The following KCNJ6 variants were observed in gnomAD, a reference collection of about 807,000 sequenced individuals.
KCNJ6 encodes the protein G protein-activated inward rectifier potassium channel 2.
Under a neutral mutation model 34.2 loss-of-function variants are expected in KCNJ6, and 9 were observed. That is an observed-to-expected ratio of 0.26 (90% CI 0.16 to 0.46). The LOEUF (loss-of-function observed/expected upper bound fraction) is 0.46. Ranked by LOEUF, KCNJ6 falls within the 20% of genes least tolerant of loss-of-function variation. The pLI, the probability that KCNJ6 is intolerant of heterozygous loss-of-function variation, is 1.00. For synonymous variants in KCNJ6, 196 were observed against 207.1 expected (o/e 0.95, Z 0.46); for missense variants, 236 against 531.3 (o/e 0.44, Z 5.46).
At chr21:37,830,072 A>C (rs1004228624) in intron 2 of KCNJ6, among the ~76,000 whole-genome samples, 1 of 152,188 alleles carries the variant, frequency 6.6e-6, no homozygotes, top group Non-Finnish European at 1.5e-5. Flanking sequence ...TCCCCAAGGC[A>C]GTGGTATTTC....
chr21:37,852,018 AG>A (rs1568871800), intron 1 of KCNJ6, among the ~76,000 whole-genome samples: 5 of 152,162 alleles, frequency 3.3e-5, no homozygotes, highest in African/African-American at 4.8e-5. Context: ...CCAAAGACCT[AG>A]GAGAGAGGTA....
In KCNJ6 at chr21:37,613,798, T is replaced by A. The variant is rs9978019; in HGVS notation, c.*11361A>T. On this transcript the variant is annotated 3_prime_UTR_variant, in exon 4 of 4. Transcript: ENST00000609713. ...GAATTGGGAGAGCACAGAGGATTTTTAGGGCCGTGGGACTATCCTGTATGA... is the reference window on the plus strand; with the variant it reads ...GAATTGGGAGAGCACAGAGGATTTTAAGGGCCGTGGGACTATCCTGTATGA... The A allele has an allele frequency of 0.41, 62,056 of 152,016 alleles. 12,827 individuals are homozygous for A. Among genetic ancestry groups the A allele is most frequent in the Admixed American group, 0.49 (7,536 of 15,274 alleles). The allele number at this position is 152,016 out of a possible 1,614,324, so 9.4% of individuals were successfully genotyped here.
At position 37,688,383 on chromosome 21, in the gene KCNJ6, A is replaced by ATTTT. The variant is rs1368139180; in HGVS notation, c.946+25827_946+25828insAAAA. On this transcript the variant is annotated intron_variant, in intron 3 of 3. Transcript: ENST00000609713. ...TATTTTAAAAGCATTTTTTTTTTAA[A>ATTTT]AAATCTACTACATTCTAGATTCTAT... Among the ~76,000 whole-genome samples, 519 of 114,296 alleles carry ATTTT rather than the reference A, an allele frequency of 4.5e-3. 1 individual carries two copies. The highest frequency in any genetic ancestry group is 0.016 in the South Asian group (57 of 3,562). 75.0% of individuals were successfully genotyped at this position (114,296 alleles called of 152,430 possible). A position where few individuals can be genotyped will look rare whatever the true frequency, so the allele number is the denominator to read the frequency against.
At position 37,622,275 on chromosome 21, in the gene KCNJ6, C is replaced by T. The variant is rs2054292202; in HGVS notation, c.*2884G>A. 6.6e-6 allele frequency: 1 copy of T among 152,108 alleles called. No homozygotes were observed. The highest frequency in any genetic ancestry group is 2.1e-4 in the South Asian group (1 of 4,826). The allele number at this position is 152,108 out of a possible 1,614,324, so 9.4% of individuals were successfully genotyped here. On this transcript the variant is annotated 3_prime_UTR_variant, in exon 4 of 4. Coordinates refer to ENST00000609713, the MANE Select transcript of KCNJ6 (RefSeq NM_002240.5). Reference sequence around the variant, plus strand: ...AGAGACTTTTAAAAAATTCTCATTGCACTTGGTTTGCTAATGGAGTGACTG... The same window carrying T: ...AGAGACTTTTAAAAAATTCTCATTGTACTTGGTTTGCTAATGGAGTGACTG...
chr21:37,904,483 GAA>G (rs1165410314), intron 1 of KCNJ6, among the ~76,000 whole-genome samples: 1 of 151,464 alleles, frequency 6.6e-6, no homozygotes. Flanking sequence ...TTGGGGTCTT[GAA>G]AAAAAATTAT....
At chr21:37,828,961 A>G (rs2055412162) in intron 2 of KCNJ6, among the ~76,000 whole-genome samples, 1 of 152,162 alleles carries the variant, frequency 6.6e-6, no homozygotes, top group Non-Finnish European at 1.5e-5. Context: ...TTGCATGGCC[A>G]TTTGTTTGCT....
At chr21:37,915,607 T>C (rs1340291462) in intron 1 of KCNJ6, among the ~76,000 whole-genome samples, 1 of 152,224 alleles carries the variant, frequency 6.6e-6, no homozygotes, top group Non-Finnish European at 1.5e-5. Context: ...ACTGACTGGG[T>C]TTCTGCGAGC....
At chr21:37,690,019 C>G (rs1179903928) in intron 3 of KCNJ6, among the ~76,000 whole-genome samples, 1 of 152,182 alleles carries the variant, frequency 6.6e-6, no homozygotes. Context: ...ATACTCTTAT[C>G]CCTCTGCAAT....
intron 3 of KCNJ6, among the ~76,000 whole-genome samples, chr21:37,640,124 C>G (rs942456792): frequency 6.6e-6 from 1 of 152,246 alleles, no homozygotes; most frequent in African/African-American, 2.4e-5. Flanking sequence ...GTTTCCCAGT[C>G]TTTTCCCATG....
At chr21:37,727,815 C>A (rs910317221) in intron 2 of KCNJ6, among the ~76,000 whole-genome samples, 5 of 152,016 alleles carry the variant, frequency 3.3e-5, no homozygotes, top group African/African-American at 1.2e-4. Flanking sequence ...CACAAACAAG[C>A]CTCAAACTGG....
At chr21:37,850,461 T>C (rs972236999) in intron 1 of KCNJ6, among the ~76,000 whole-genome samples, 1 of 152,058 alleles carries the variant, frequency 6.6e-6, no homozygotes. Flanking sequence ...CGAACCCTAT[T>C]TGAACTGCCC....
chr21:37,655,223 GTGAGAGAGAGAGAGA>G (rs2054456235), intron 3 of KCNJ6, among the ~76,000 whole-genome samples: 6 of 10,156 alleles, frequency 5.9e-4, no homozygotes, highest in African/African-American at 9.4e-4. Context: ...GTGTGTGTGT[GTGAGAGAGAGAGAGA>G]GAGAGAGAGA....
chr21:37,796,455 G>T (rs1019917604), intron 2 of KCNJ6, among the ~76,000 whole-genome samples: 7 of 152,194 alleles, frequency 4.6e-5, no homozygotes, highest in African/African-American at 1.7e-4. Flanking sequence ...TGACCTGAAG[G>T]GTGGCAGATG....
At chr21:37,682,949 C>T (rs1036083873) in intron 3 of KCNJ6, among the ~76,000 whole-genome samples, 5 of 152,292 alleles carry the variant, frequency 3.3e-5, no homozygotes, top group African/African-American at 9.6e-5. Flanking sequence ...CAGGGAGCAG[C>T]GGGCTCAGCC....
intron 1 of KCNJ6, among the ~76,000 whole-genome samples, chr21:37,853,986 T>C (rs1217084319): frequency 6.0e-4 from 91 of 151,232 alleles, no homozygotes; most frequent in Non-Finnish European, 1.5e-5. Context: ...TTAGAAAATG[T>C]TGAAATAACC....
At chr21:37,832,265 T>C (rs2836002) in intron 2 of KCNJ6, among the ~76,000 whole-genome samples, 7,102 of 151,782 alleles carry the variant, frequency 0.047, 255 homozygotes, top group Non-Finnish European at 0.073. Context: ...CTAAATTTCA[T>C]TGGTAGGGAG....
At chr21:37,909,660 G>A (rs1001363022) in intron 1 of KCNJ6, among the ~76,000 whole-genome samples, 1 of 152,112 alleles carries the variant, frequency 6.6e-6, no homozygotes. Context: ...GTAAGCCACC[G>A]CTCCTGGCCT....
At chr21:37,873,761 C>T (rs1350907022) in intron 1 of KCNJ6, among the ~76,000 whole-genome samples, 1 of 152,140 alleles carries the variant, frequency 6.6e-6, no homozygotes, top group African/African-American at 2.4e-5. Flanking sequence ...CAGCTTCCAC[C>T]TTCACCAAGA....
At chr21:37,833,076 G>A (rs977346092) in intron 2 of KCNJ6, among the ~76,000 whole-genome samples, 5 of 151,866 alleles carry the variant, frequency 3.3e-5, no homozygotes, top group Middle Eastern at 6.8e-3. Context: ...GTGCAATGGC[G>A]CAATCTTGGC....
Sources: allele counts gnomAD v4.1 joint callset (sites outside exome capture counted in the v4.1 genomes callset), GRCh38; gene constraint gnomAD v4.1.1; transcripts MANE v1.5; gene names NCBI Gene and HGNC (gene_info 2026-07-23, HGNC 2026-07-21).